Variants in PEAR1 observed in about 807,000 individuals in gnomAD.
PEAR1 encodes the protein multiple EGF-like domains protein 12.
Under a neutral mutation model 131.2 loss-of-function variants are expected in PEAR1, and 113 were observed. The ratio of observed to expected loss-of-function variants is 0.86; its 90% CI spans 0.74 to 1.01. The LOEUF (loss-of-function observed/expected upper bound fraction) is 1.01. PEAR1 is among the 50% of genes least tolerant of loss of function. The probability of loss-of-function intolerance (pLI) is 0.00; values close to 1 mark genes in which losing one functional copy is unlikely to be tolerated. For missense variants in PEAR1, 1,408 were observed against 1,391.1 expected, an observed-to-expected ratio of 1.01 and a Z score of -0.19; for synonymous variants, 565 against 523.3, an observed-to-expected ratio of 1.08 and a Z score of -1.09.
chr1:156,895,059 C>G (rs1357180762), intron 1 of PEAR1, among the ~76,000 whole-genome samples: 1 of 152,202 alleles, frequency 6.6e-6, no homozygotes, highest in African/African-American at 2.4e-5. Context: ...ACTCTTGAGG[C>G]CTCCGAAGGC....
Position 156,910,260 on chromosome 1 carries a change from G to GT in PEAR1, c.1705_1706insT (p.Glu569ValfsTer9). 1 of 1,612,966 alleles carries GT rather than the reference G, an allele frequency of 6.2e-7. No individual in the cohort carries two copies. Among genetic ancestry groups the GT allele is most frequent in the Non-Finnish European group, 8.5e-7 (1 of 1,179,430 alleles). ...TGCCCGCTGCCACCTGTCCTGCCCTGAGGGCTTATGGGGAGTCAACTGTAG... is the reference window on the plus strand; with the variant it reads ...TGCCCGCTGCCACCTGTCCTGCCCTGTAGGGCTTATGGGGAGTCAACTGTAG... On this transcript the variant is annotated frameshift_variant, in exon 14 of 23. Transcript: ENST00000292357. LOFTEE classifies it high-confidence loss of function.
intron 2 of PEAR1, 128 bp downstream of exon 2, chr1:156,904,155 C>A (rs1266180031): frequency 2.7e-6 from 2 of 733,092 alleles, no homozygotes; most frequent in Admixed American, 2.4e-5. Flanking sequence ...TCTCCCCTCC[C>A]GCCTATTTCT....
At position 156,908,776 on chromosome 1, in the gene PEAR1, G is replaced by T; in HGVS notation, c.1237G>T (p.Gly413Cys). The change falls in exon 10 of 23, where the codon GGT becomes TGT. Residue 413 changes from glycine (G) to cysteine (C), a missense_variant. Transcript: ENST00000292357. The surrounding 1 kb of genome is among the most constrained non-coding windows in gnomAD (Gnocchi z 4.2). ...GCQEHCLCLH[G>C]GVCQATSGLC... ...CCAGGAGCACTGTCTCTGCCTGCAC[G>T]GTGGCGTCTGCCAGGCTACCAGCGG... The T allele has an allele frequency of 6.2e-7, 1 of 1,601,356 alleles. No individual in the cohort carries two copies. Among genetic ancestry groups the T allele is most frequent in the Non-Finnish European group, 8.5e-7 (1 of 1,176,618 alleles).
rs752747148 is a variant in PEAR1 at position 156,913,399 on chromosome 1, C to A, written c.2520C>A (p.Gly840=). 1.3e-6 allele frequency: 2 copies of A among 1,598,958 alleles called. No homozygotes were observed. Among genetic ancestry groups the A allele is most frequent in the Non-Finnish European group, 1.7e-6 (2 of 1,179,628 alleles). ...GCACTGTCCCCTCTTAGGTTCCAGG[C>A]CCGCTCTTTGCCAGCCTGCAGAACC... The part of the protein sequence containing the change: ...PNPPPPNKVP[G]PLFASLQNPE... Residue 840 remains glycine, a synonymous_variant, in exon 20 of 23, where the codon GGC becomes GGA. Coordinates refer to ENST00000292357, the MANE Select transcript of PEAR1 (RefSeq NM_001080471.3).
intron 1 of PEAR1, among the ~76,000 whole-genome samples, chr1:156,898,382 C>T (rs1570935998): frequency 6.6e-6 from 1 of 152,310 alleles, no homozygotes; most frequent in East Asian, 1.9e-4. Context: ...CCCGCCCAGC[C>T]TCTGGCGCAC....
Position 156,914,041 on chromosome 1 carries a change from G to A in PEAR1, c.2903G>A (p.Arg968Gln), listed in dbSNP as rs781413106. ...PPQFWDSQRR[R>Q]QPQPQRDSGT... ...CAGTTCTGGGACAGCCAGAGGCGGC[G>A]GCAACCCCAGCCACAGAGAGACAGT... Residue 968 changes from arginine (R) to glutamine (Q), a missense_variant, in exon 22 of 23, where the codon CGG becomes CAG. Transcript: ENST00000292357. 42 of 1,608,508 alleles carry A rather than the reference G, an allele frequency of 2.6e-5. No individual in the cohort carries two copies. The highest frequency in any genetic ancestry group is 2.2e-4 in the Admixed American group (13 of 59,494).
In PEAR1 at chr1:156,906,645, C is replaced by A. The variant is rs1435230602; in HGVS notation, c.409C>A (p.Pro137Thr). ...GCCTCCTTATCCCACAGAGTGTGCC[C>A]CAGGAATGTGGGGGCCACAGTGTGA... ...RGDDCSSECAPGMWGPQCDKP... is the reference protein window; with the variant it reads ...RGDDCSSECATGMWGPQCDKP... The change falls in exon 6 of 23, where the codon CCA becomes ACA. Residue 137 changes from proline to threonine, a missense_variant. Coordinates refer to ENST00000292357, the MANE Select transcript of PEAR1 (RefSeq NM_001080471.3). 4.3e-6 allele frequency: 7 copies of A among 1,614,142 alleles called. No individual in the cohort carries two copies. In the South Asian group the frequency reaches 7.7e-5, roughly 18 times the overall value.
chr1:156,913,460 C>CACACCACCATGATA lies in PEAR1; in HGVS notation c.2589_2590insATGATAACACCACC (p.Leu864MetfsTer61). On this transcript the variant is annotated frameshift_variant, in exon 20 of 23. Transcript: ENST00000292357. LOFTEE classifies it high-confidence loss of function. ...AGGTGGGGCCCAAGGGCATGATAAC[C>CACACCACCATGATA]ACACCACCCTGCCTGCTGACTGGAA... is the stretch of plus-strand genomic sequence containing the variant. The CACACCACCATGATA allele has an allele frequency of 6.2e-7, 1 of 1,613,704 alleles. No homozygotes were observed. The highest frequency in any genetic ancestry group is 1.6e-4 in the Middle Eastern group (1 of 6,062).
chr1:156,905,099 G>A, intron 3 of PEAR1: 2 of 1,335,720 alleles, frequency 1.5e-6, no homozygotes, highest in Non-Finnish European at 2.1e-6. Flanking sequence ...GGGGCAAGAA[G>A]GGAATGCTCT....
chr1:156,896,449 C>T (rs543569001), intron 1 of PEAR1, among the ~76,000 whole-genome samples: 150 of 152,344 alleles, frequency 9.8e-4, no homozygotes, highest in Non-Finnish European at 1.1e-3. Context: ...CACTGTGCTG[C>T]CTACCAAATG....
At chr1:156,905,069 A>T in intron 3 of PEAR1, 38 of 1,134,856 alleles carry the variant, frequency 3.3e-5, no homozygotes, top group Non-Finnish European at 4.4e-5. Context: ...GTTACAGTAT[A>T]TGCCTGTGGG....
In PEAR1 at chr1:156,908,357, G is replaced by A. The variant is rs1284117611; in HGVS notation, c.1115+17G>A. The A allele has an allele frequency of 1.1e-5, 16 of 1,490,646 alleles. No individual in the cohort carries two copies. The highest frequency in any genetic ancestry group is 1.4e-5 in the Non-Finnish European group (16 of 1,119,474). The allele number at this position is 1,490,646 out of a possible 1,614,324, so 92.3% of individuals were successfully genotyped here. A position where few individuals can be genotyped will look rare whatever the true frequency, so the allele number is the denominator to read the frequency against. On this transcript the variant is annotated intron_variant, in intron 9 of 22. Coordinates refer to ENST00000292357, the MANE Select transcript of PEAR1 (RefSeq NM_001080471.3). This position sits in a 1 kb window ranked among gnomAD's most constrained non-coding sequence, Gnocchi z 4.2. ...CAGCCTCAGGTGGGCCGCGGGACAT[G>A]TGGTCAAAGGATCAGGAGGCCAATG... is the stretch of plus-strand genomic sequence containing the variant.
In PEAR1 at chr1:156,913,854, C is replaced by T; in HGVS notation, c.2716C>T (p.Leu906Phe). The T allele has an allele frequency of 6.2e-7, 1 of 1,612,708 alleles. No homozygotes were observed. Among genetic ancestry groups the T allele is most frequent in the South Asian group, 1.1e-5 (1 of 90,880 alleles). ...TGACTTCTTTCCTCTATCCTTAGGG[C>T]TCATCTCTGAAGAGGAGCTCGGGGC... is the stretch of plus-strand genomic sequence containing the variant. ...NGPGPFYNKG[L>F]ISEEELGASV... The change falls in exon 22 of 23, where the codon CTC (leucine) becomes TTC (phenylalanine). Residue 906 changes from leucine (L) to phenylalanine (F), a missense_variant and splice_region_variant. Transcript: ENST00000292357.
Position 156,907,897 on chromosome 1 carries a change from G to A in PEAR1, c.766-18G>A. 5 of 1,596,474 alleles carry A rather than the reference G, an allele frequency of 3.1e-6. No homozygotes were observed. The highest frequency in any genetic ancestry group is 1.1e-5 in the South Asian group (1 of 89,684). ...GAGGCTGGGTGCCTGGGGCCCTGTTGACCTCTTATCCCCACAGGGCACCAT... is the reference window on the plus strand; with the variant it reads ...GAGGCTGGGTGCCTGGGGCCCTGTTAACCTCTTATCCCCACAGGGCACCAT... On this transcript the variant is annotated intron_variant, in intron 7 of 22. Coordinates refer to ENST00000292357, the MANE Select transcript of PEAR1 (RefSeq NM_001080471.3).
intron 1 of PEAR1, among the ~76,000 whole-genome samples, chr1:156,897,143 G>A (rs1649243910): frequency 6.6e-6 from 1 of 152,220 alleles, no homozygotes; most frequent in South Asian, 2.1e-4. Flanking sequence ...TGCCTGTTGG[G>A]TGCCGGGCAT....
intron 1 of PEAR1, among the ~76,000 whole-genome samples, chr1:156,896,187 C>T (rs983254428): frequency 1.3e-5 from 2 of 152,234 alleles, no homozygotes; most frequent in African/African-American, 4.8e-5. Flanking sequence ...AATCACTGAA[C>T]TTTTCTGGGA....
chr1:156,897,161 G>A (rs1295956091), intron 1 of PEAR1, among the ~76,000 whole-genome samples: 1 of 152,206 alleles, frequency 6.6e-6, no homozygotes, highest in Non-Finnish European at 1.5e-5. Flanking sequence ...CATCCTGGGT[G>A]TAAGTGCTGG....
Position 156,909,814 on chromosome 1 carries a change from C to A in PEAR1, c.1475C>A (p.Ala492Asp). ...PPGTWGFSCN[A>D]SCQCAHEAVC... ...GGAACCTGGGGCTTCAGTTGCAATG[C>A]CAGCTGCCAGTGTGCCCATGAGGCA... Residue 492 changes from alanine (A) to aspartate (D), a missense_variant, in exon 12 of 23, where the codon GCC (alanine) becomes GAC (aspartate). Physicochemically the swap from Ala to Asp is moderately radical, Grantham distance 126. Coordinates refer to ENST00000292357, the MANE Select transcript of PEAR1 (RefSeq NM_001080471.3). The A allele has an allele frequency of 1.2e-6, 2 of 1,614,010 alleles. No homozygotes were observed. The highest frequency in any genetic ancestry group is 1.7e-6 in the Non-Finnish European group (2 of 1,179,886).
intron 11 of PEAR1, 131 bp from the exon 12 acceptor site, chr1:156,909,620 T>C: frequency 5.0e-6 from 5 of 991,426 alleles, no homozygotes; most frequent in Non-Finnish European, 7.3e-6. Context: ...GCTTTTCTCC[T>C]GTATGGTGCC....
Sources: allele counts gnomAD v4.1 joint callset (sites outside exome capture counted in the v4.1 genomes callset), GRCh38; gene constraint gnomAD v4.1.1; non-coding constraint Gnocchi (gnomAD v3.1); transcripts MANE v1.5; gene names NCBI Gene and HGNC (gene_info 2026-07-23, HGNC 2026-07-21).